The following RIMBP2 variants were observed in gnomAD, a reference collection of about 807,000 sequenced individuals.
RIMBP2 encodes the protein RIMS binding protein 2.
A neutral mutation model predicts 118.6 loss-of-function variants in RIMBP2; 48 were observed. The ratio of observed to expected loss-of-function variants is 0.40; its 90% CI spans 0.32 to 0.51. The LOEUF is 0.51. Ranked by LOEUF, RIMBP2 falls within the 20% of genes least tolerant of loss-of-function variation. RIMBP2 has a pLI of 0.41. For synonymous variants in RIMBP2, 762 were observed against 742.9 expected (o/e 1.03, Z -0.42); for missense variants, 1,551 against 1,768.3 (o/e 0.88, Z 2.20).
intron 2 of RIMBP2, among the ~76,000 whole-genome samples, chr12:130,555,568 G>A (rs1224784231): frequency 6.6e-6 from 1 of 152,200 alleles, no homozygotes; most frequent in Non-Finnish European, 1.5e-5. Flanking sequence ...GAAGTGGTAA[G>A]TGACAAAAGT....
chr12:130,662,833 A>G (rs184876821), intron 1 of RIMBP2, among the ~76,000 whole-genome samples: 5 of 152,056 alleles, frequency 3.3e-5, no homozygotes, highest in African/African-American at 4.8e-5. Context: ...GTGCACTCCT[A>G]TGGTCCCAGC....
At position 130,576,089 on chromosome 12, in the gene RIMBP2, G is replaced by C. The variant is rs182253858; in HGVS notation, c.-217+52233C>G. On this transcript the variant is annotated intron_variant, in intron 2 of 22. Transcript: ENST00000690449. The surrounding 1 kb of genome is among the most constrained non-coding windows in gnomAD (Gnocchi z 4.2). ...TGGGAACTGTGTACTCTGCAGGGAG[G>C]CTGGTGCGGGGGGACCGTTAGGCAA... 6.6e-6 allele frequency among the ~76,000 whole-genome samples: 1 copy of C among 152,164 alleles called. No homozygotes were observed. The highest frequency in any genetic ancestry group is 1.5e-5 in the Non-Finnish European group (1 of 68,012).
intron 2 of RIMBP2, among the ~76,000 whole-genome samples, chr12:130,561,090 G>A (rs77154917): frequency 0.017 from 2,567 of 152,244 alleles, 59 homozygotes; most frequent in African/African-American, 0.056. Flanking sequence ...GCTTCTGCAC[G>A]CCAAGGAGCC....
chr12:130,609,893 C>T (rs1374904164), intron 2 of RIMBP2, among the ~76,000 whole-genome samples: 1 of 152,120 alleles, frequency 6.6e-6, no homozygotes, highest in Non-Finnish European at 1.5e-5. Context: ...AGCAAATTCA[C>T]CTCTCCCCTG....
At chr12:130,463,915 C>T (rs147334925) in intron 6 of RIMBP2, among the ~76,000 whole-genome samples, 4 of 151,384 alleles carry the variant, frequency 2.6e-5, no homozygotes, top group Admixed American at 6.6e-5. Context: ...AGAGAGTGAC[C>T]GCTGGTTGTC....
At chr12:130,627,323 G>A (rs767512649) in intron 2 of RIMBP2, among the ~76,000 whole-genome samples, 8 of 152,216 alleles carry the variant, frequency 5.3e-5, no homozygotes, top group Admixed American at 2.0e-4. Context: ...AGCCATTTCC[G>A]GGTTGAAAAC....
Position 130,451,185 on chromosome 12 carries a change from C to A in RIMBP2, c.504+10G>T, listed in dbSNP as rs200992909. 2 of 1,611,952 alleles carry A rather than the reference C, an allele frequency of 1.2e-6. No individual in the cohort carries two copies. Among genetic ancestry groups the A allele is most frequent in the Non-Finnish European group, 1.7e-6 (2 of 1,178,714 alleles). On this transcript the variant is annotated intron_variant, in intron 8 of 22. Transcript: ENST00000690449. ...GGCAGCCCCGGCAGCCCCTGCGGGA[C>A]GGGACTCACGTCTGACTCAGATCTG...
chr12:130,439,790 T>C (rs1015727766), intron 11 of RIMBP2, among the ~76,000 whole-genome samples: 1 of 147,552 alleles, frequency 6.8e-6, no homozygotes, highest in Non-Finnish European at 1.5e-5. Context: ...TATGTGTATG[T>C]GTATCTGTCT....
At chr12:130,685,287 A>T (rs2064988333) in intron 1 of RIMBP2, among the ~76,000 whole-genome samples, 1 of 152,218 alleles carries the variant, frequency 6.6e-6, no homozygotes, top group Non-Finnish European at 1.5e-5. Context: ...GTTTTACTAC[A>T]GTAACCCCTT....
intron 2 of RIMBP2, among the ~76,000 whole-genome samples, chr12:130,549,865 T>C (rs2055565659): frequency 1.3e-5 from 2 of 152,184 alleles, no homozygotes; most frequent in Admixed American, 1.3e-4. Flanking sequence ...TTCCTCTGGG[T>C]ATATATCCAG....
At chr12:130,417,949 C>T (rs138122412) in intron 17 of RIMBP2, among the ~76,000 whole-genome samples, 334 of 152,118 alleles carry the variant, frequency 2.2e-3, no homozygotes, top group African/African-American at 7.4e-3. Flanking sequence ...AAGTGAGAAA[C>T]ACGCCAGCTG....
chr12:130,419,237 C>T lies in RIMBP2; in HGVS notation c.3238+3216G>A, dbSNP rs926523426. Among the ~76,000 whole-genome samples, 1 of 152,180 alleles carries T rather than the reference C, an allele frequency of 6.6e-6. No individual in the cohort carries two copies. Among genetic ancestry groups the T allele is most frequent in the Non-Finnish European group, 1.5e-5 (1 of 68,036 alleles). ...GACTGAAAGAAGCACTTACCTACAG[C>T]TGTCTGTCTGACCCTGGGGGGAGTG... is the stretch of plus-strand genomic sequence containing the variant. On this transcript the variant is annotated intron_variant, in intron 17 of 22. Coordinates refer to ENST00000690449, the MANE Select transcript of RIMBP2 (RefSeq NM_001393629.1). The surrounding 1 kb of genome is among the most constrained non-coding windows in gnomAD (Gnocchi z 4.3).
At position 130,434,686 on chromosome 12, in the gene RIMBP2, G is replaced by A. The variant is rs758104213; in HGVS notation, c.2253+48C>T. ...TCTTGATCTCCACGGGGCCCGCTCC[G>A]AGCCCGCGCCCACCAGGAGGATGGT... On this transcript the variant is annotated intron_variant, in intron 14 of 22. Transcript: ENST00000690449. The surrounding 1 kb of genome is among the most constrained non-coding windows in gnomAD (Gnocchi z 5.7). 69 of 1,575,440 alleles carry A rather than the reference G, an allele frequency of 4.4e-5. No individual in the cohort carries two copies. The highest frequency in any genetic ancestry group is 5.7e-5 in the South Asian group (5 of 87,904).
rs531177723 is a variant in RIMBP2, at chr12:130,534,346, G to A, written c.-216-16429C>T. ...TAGTGATGGTTGGCTGGGTGCAGTG[G>A]CTCACGCCTGTAATCCCAGCACTTT... On this transcript the variant is annotated intron_variant, in intron 2 of 22. Transcript: ENST00000690449. Among the ~76,000 whole-genome samples, 7 of 152,056 alleles carry A rather than the reference G, an allele frequency of 4.6e-5. No individual in the cohort carries two copies. The East Asian group carries it at 1.4e-3, about 30-fold the overall frequency.
chr12:130,573,547 T>C (rs929824482), intron 2 of RIMBP2, among the ~76,000 whole-genome samples: 1 of 152,136 alleles, frequency 6.6e-6, no homozygotes, highest in Non-Finnish European at 1.5e-5. Flanking sequence ...TTAGCGATTC[T>C]CTGAGCTGGG....
At chr12:130,634,182 C>A (rs1215708163) in intron 1 of RIMBP2, among the ~76,000 whole-genome samples, 1 of 152,192 alleles carries the variant, frequency 6.6e-6, no homozygotes, top group African/African-American at 2.4e-5. Flanking sequence ...CTCCCCACCC[C>A]TGATCAACTC....
In RIMBP2 at chr12:130,648,943, G is replaced by A. The variant is rs570594909; in HGVS notation, c.-351-20487C>T. Among the ~76,000 whole-genome samples the A allele has an allele frequency of 1.6e-4, 24 of 145,906 alleles. 2 individuals are homozygous for A. In the East Asian group the frequency reaches 2.1e-3, roughly 13 times the overall value. On this transcript the variant is annotated intron_variant, in intron 1 of 22. Transcript: ENST00000690449. The stretch of plus-strand genomic sequence containing the variant: ...AGTGCTGGGATTCCAGGCGTGAGCC[G>A]CCGAGAAACGGATCGCACATGGTAA...
chr12:130,479,584 TCCGCACC>T (rs2081767945), intron 4 of RIMBP2, among the ~76,000 whole-genome samples: 13 of 126,658 alleles, frequency 1.0e-4, no homozygotes, highest in African/African-American at 1.8e-4. Context: ...AAACCCAGAG[TCCGCACC>T]CTCCCGGGAG....
chr12:130,430,385 G>A (rs1418553727), intron 14 of RIMBP2: 1 of 152,164 alleles, frequency 6.6e-6, no homozygotes, highest in Non-Finnish European at 1.5e-5. Context: ...CTTATAAAGA[G>A]GCTGAGGTAA....
Sources: gnomAD v4.1 joint callset for allele counts (sites outside exome capture counted in the v4.1 genomes callset) on GRCh38, gnomAD v4.1.1 for gene constraint, Gnocchi (gnomAD v3.1) non-coding constraint, MANE v1.5 for transcripts, NCBI Gene and HGNC (gene_info 2026-07-23, HGNC 2026-07-21) for gene names.